AFDN: variants seen among roughly 807,000 people sequenced by gnomAD.
AFDN encodes the protein afadin, adherens junction formation factor, also known as afadin.
AFDN carries 68 observed loss-of-function variants against 216.6 expected under a neutral mutation model. That is an observed-to-expected ratio of 0.31 (90% CI 0.26 to 0.38). The LOEUF is 0.38. Among genes scored for constraint, AFDN ranks in the 10% least tolerant of loss-of-function variants. The pLI is 1.00. For synonymous variants in AFDN, 868 were observed against 853.7 expected (o/e 1.02, Z -0.29); for missense variants, 2,136 against 2,342.0 (o/e 0.91, Z 1.82).
chr6:167,897,116 CT>C, intron 10 of AFDN, 144 bp downstream of exon 10: 1 of 445,120 alleles, frequency 2.2e-6, no homozygotes, highest in South Asian at 4.8e-5. Context: ...CTCTGGGTCA[CT>C]TTTCTCTGCT....
intron 2 of AFDN, among the ~76,000 whole-genome samples, chr6:167,865,105 A>AATATT (rs10660177): frequency 0.91 from 138,694 of 151,894 alleles, 63,551 homozygotes; most frequent in African/African-American, 0.96. Flanking sequence ...TAGAGATTAT[A>AATATT]ATAATTGTAA....
chr6:167,905,109 G>A (rs1789501723), intron 12 of AFDN, among the ~76,000 whole-genome samples: 1 of 152,094 alleles, frequency 6.6e-6, no homozygotes, highest in South Asian at 2.1e-4. Flanking sequence ...GCCCCTTCTT[G>A]TCTCAGACCT....
intron 10 of AFDN, among the ~76,000 whole-genome samples, chr6:167,897,972 A>G (rs536316656): frequency 6.6e-6 from 1 of 152,224 alleles, no homozygotes; most frequent in Non-Finnish European, 1.5e-5. Context: ...GCAAAGTTAC[A>G]GTATGCCTTA....
intron 13 of AFDN, 114 bp from the exon 14 acceptor site, chr6:167,910,987 T>C: frequency 1.2e-6 from 1 of 822,566 alleles, no homozygotes; most frequent in Non-Finnish European, 2.0e-6. Flanking sequence ...TTATTTTACG[T>C]TGGAAAGATT....
At chr6:167,964,483 C>T in intron 31 of AFDN, 2 of 1,065,672 alleles carry the variant, frequency 1.9e-6, no homozygotes, top group East Asian at 5.0e-5. Flanking sequence ...GAGAGTCTTT[C>T]CTTCAGGATT....
chr6:167,963,060 C>T, intron 31 of AFDN: 2 of 1,069,672 alleles, frequency 1.9e-6, no homozygotes, highest in Non-Finnish European at 2.3e-6. Context: ...GCTTAGAAAA[C>T]ATGATACAGG....
In AFDN at chr6:167,917,192, A is replaced by G; in HGVS notation, c.2669A>G (p.Gln890Arg). The change falls in exon 20 of 34, where the codon CAG (glutamine) becomes CGG (arginine). Residue 890 changes from glutamine (Q) to arginine (R), a missense_variant. By Grantham distance (43) the Gln-to-Arg change is conservative. This residue lies in a region of AFDN where 162 missense variants were observed against 182.6 expected (regional missense o/e 0.89). Transcript: ENST00000683244. Reference sequence around the variant, plus strand: ...TCATTACAACTTCAAGCCTTATTACAGAACTATCACTGTGCACCTGATGAG... The same window carrying G: ...TCATTACAACTTCAAGCCTTATTACGGAACTATCACTGTGCACCTGATGAG... ...LNSLQLQALL[Q>R]NYHCAPDEPF... 6.2e-7 allele frequency: 1 copy of G among 1,610,356 alleles called. No homozygotes were observed.
intron 1 of AFDN, among the ~76,000 whole-genome samples, chr6:167,842,788 A>T (rs923546319): frequency 4.6e-5 from 7 of 152,190 alleles, no homozygotes; most frequent in Admixed American, 2.0e-4. Context: ...TCAATTTTAG[A>T]TTGGCAGTCA....
At chr6:167,829,457 C>T (rs1404993236) in intron 1 of AFDN, among the ~76,000 whole-genome samples, 1 of 151,786 alleles carries the variant, frequency 6.6e-6, no homozygotes, top group African/African-American at 2.4e-5. Context: ...TTTTTTTTAA[C>T]CATCTAATGA....
intron 30 of AFDN, among the ~76,000 whole-genome samples, chr6:167,958,345 G>A (rs1014484795): frequency 6.6e-6 from 1 of 152,168 alleles, no homozygotes; most frequent in Non-Finnish European, 1.5e-5. Flanking sequence ...ACTCTGCTTT[G>A]TATCACATGG....
chr6:167,869,769 C>T (rs139707248), intron 2 of AFDN, among the ~76,000 whole-genome samples: 213 of 152,246 alleles, frequency 1.4e-3, no homozygotes, highest in African/African-American at 4.8e-3. Flanking sequence ...GGGAGGCTTG[C>T]TAATGAAAGA....
At chr6:167,969,232 C>CAGGTACAGATGAAG in intron 33 of AFDN, 34 bp downstream of exon 33, 2 of 1,517,660 alleles carry the variant, frequency 1.3e-6, no homozygotes, top group Non-Finnish European at 1.8e-6. Flanking sequence ...GGAACTTCAT[C>CAGGTACAGATGAAG]TGTACCTGAT....
chr6:167,938,123 A>C (rs1583478891), intron 23 of AFDN, among the ~76,000 whole-genome samples: 1 of 152,172 alleles, frequency 6.6e-6, no homozygotes, highest in East Asian at 1.9e-4. Flanking sequence ...GAATGATGAT[A>C]CCTTCCCTGA....
Position 167,837,384 on chromosome 6 carries a change from C to CT in AFDN, c.105+10162dup, listed in dbSNP as rs544869303. Among the ~76,000 whole-genome samples, 1,107 of 124,196 alleles carry CT rather than the reference C, an allele frequency of 8.9e-3. 9 individuals are homozygous for CT. Among genetic ancestry groups the CT allele is most frequent in the South Asian group, 0.034 (132 of 3,830 alleles). 81.5% of individuals were successfully genotyped at this position (124,196 alleles called of 152,430 possible). On this transcript the variant is annotated intron_variant, in intron 1 of 33. Coordinates refer to ENST00000683244, the MANE Select transcript of AFDN (RefSeq NM_001386888.1). Reference sequence around the variant, plus strand: ...CTGAAGAAATGAGTTGCTTTTCAGGCTTTTTTTTTTTTTTTAACATTTTAT... The same window carrying CT: ...CTGAAGAAATGAGTTGCTTTTCAGGCTTTTTTTTTTTTTTTTAACATTTTAT...
At chr6:167,875,157 G>C (rs970113767) in intron 4 of AFDN, among the ~76,000 whole-genome samples, 178 bp from the exon 5 acceptor site, 7 of 152,150 alleles carry the variant, frequency 4.6e-5, no homozygotes, top group African/African-American at 1.7e-4. Flanking sequence ...TGTGTTGAGA[G>C]AAACTATATT....
chr6:167,901,718 A>G (rs551975259), intron 11 of AFDN, among the ~76,000 whole-genome samples: 2 of 152,228 alleles, frequency 1.3e-5, no homozygotes, highest in South Asian at 2.1e-4. Context: ...CCTCATTTAT[A>G]TGCCATTTGC....
chr6:167,827,616 C>T (rs1302144463), intron 1 of AFDN: 1 of 149,722 alleles, frequency 6.7e-6, no homozygotes, highest in Non-Finnish European at 1.5e-5. Context: ...GGCCGGCGCC[C>T]TCCACCTGCA....
intron 2 of AFDN, among the ~76,000 whole-genome samples, chr6:167,869,747 A>C (rs1443147990): frequency 6.6e-6 from 1 of 152,194 alleles, no homozygotes; most frequent in African/African-American, 2.4e-5. Flanking sequence ...CATGTTCCTG[A>C]TAAGTGTGCC....
chr6:167,927,440 T>C (rs1416325940), intron 23 of AFDN, among the ~76,000 whole-genome samples: 1 of 152,022 alleles, frequency 6.6e-6, no homozygotes, highest in African/African-American at 2.4e-5. Flanking sequence ...GGTTAAGGAG[T>C]CTGTGCCTTA....
Sources: allele counts gnomAD v4.1 joint callset (sites outside exome capture counted in the v4.1 genomes callset), GRCh38; gene constraint gnomAD v4.1.1; regional missense constraint gnomAD v4.1.1; transcripts MANE v1.5; gene names NCBI Gene and HGNC (gene_info 2026-07-23, HGNC 2026-07-21).